LAMA1: variants seen among roughly 807,000 people sequenced by gnomAD.
LAMA1 encodes the protein laminin subunit alpha 1.
A neutral mutation model predicts 348.7 loss-of-function variants in LAMA1; 219 were observed. The observed-to-expected ratio is 0.63, with a 90% CI of 0.56 to 0.70. The LOEUF is 0.70. Among genes scored for constraint, LAMA1 ranks in the 30% least tolerant of loss-of-function variants. The pLI is 0.00. For missense variants in LAMA1, 3,744 were observed against 3,888.0 expected (o/e 0.96, Z 0.99); for synonymous variants, 1,487 against 1,491.0 (o/e 1.00, Z 0.06).
chr18:7,031,547 A>G (rs1385666009), intron 16 of LAMA1, among the ~76,000 whole-genome samples: 1 of 152,086 alleles, frequency 6.6e-6, no homozygotes, highest in Non-Finnish European at 1.5e-5. Flanking sequence ...AAAAAATACT[A>G]GCATTGTCTG....
At chr18:7,016,697 G>A (rs1325844608) in intron 20 of LAMA1, 26 bp from the exon 21 acceptor site, 1 of 1,594,202 alleles carries the variant, frequency 6.3e-7, no homozygotes, top group Non-Finnish European at 8.6e-7. Context: ...GGGAGAAAGT[G>A]GAAACCAACA....
intron 56 of LAMA1, 165 bp downstream of exon 56, chr18:6,956,471 C>T: frequency 1.7e-6 from 2 of 1,180,578 alleles, no homozygotes; most frequent in Non-Finnish European, 2.5e-6. Context: ...CTTGAGGCAC[C>T]CTTTCCCTCC....
At chr18:7,073,874 C>T (rs1460402211) in intron 3 of LAMA1, among the ~76,000 whole-genome samples, 1 of 63,960 alleles carries the variant, frequency 1.6e-5, no homozygotes, top group Non-Finnish European at 3.6e-5. Context: ...CTTGCTCTGT[C>T]GCCAGGCTGG....
At chr18:6,956,790 T>C in intron 55 of LAMA1, 25 bp from the exon 56 acceptor site, 1 of 1,613,890 alleles carries the variant, frequency 6.2e-7, no homozygotes, top group Non-Finnish European at 8.5e-7. Context: ...GAGAGTGTTT[T>C]CAAAATTAGG....
intron 16 of LAMA1, among the ~76,000 whole-genome samples, chr18:7,028,332 C>T (rs1377517586): frequency 6.6e-6 from 1 of 152,120 alleles, no homozygotes; most frequent in Non-Finnish European, 1.5e-5. Flanking sequence ...GAAATACACA[C>T]CAAGGCACAG....
chr18:7,015,210 G>T (rs1243720761), intron 22 of LAMA1, among the ~76,000 whole-genome samples: 1 of 152,110 alleles, frequency 6.6e-6, no homozygotes, highest in Non-Finnish European at 1.5e-5. Context: ...CTAGAATAAG[G>T]TGTCTTAAGG....
At position 7,019,526 on chromosome 18, in the gene LAMA1, G is replaced by T. The variant is rs184567251; in HGVS notation, c.2702-2142C>A. On this transcript the variant is annotated intron_variant, in intron 19 of 62. Coordinates refer to ENST00000389658, the MANE Select transcript of LAMA1 (RefSeq NM_005559.4). The stretch of plus-strand genomic sequence containing the variant: ...TGCCTGTCACATTCAGTATTTCTTT[G>T]TACTTTCACCACAAACCAAGGAGGG... Among the ~76,000 whole-genome samples, 41 of 152,062 alleles carry T rather than the reference G, an allele frequency of 2.7e-4. 1 individual carries two copies. The South Asian group carries it at 8.3e-3, about 31-fold the overall frequency.
chr18:7,067,851 T>G (rs2058129310), intron 3 of LAMA1, among the ~76,000 whole-genome samples: 1 of 145,760 alleles, frequency 6.9e-6, no homozygotes, highest in Admixed American at 6.6e-5. Flanking sequence ...GGTGGGTCCT[T>G]TTCGCATTTT....
chr18:7,084,896 C>A (rs888695746), intron 1 of LAMA1, among the ~76,000 whole-genome samples: 5 of 152,172 alleles, frequency 3.3e-5, no homozygotes, highest in African/African-American at 7.2e-5. Context: ...AAAACCAAAG[C>A]ATCTAAAATG....
chr18:7,085,630 G>T (rs1369740343), intron 1 of LAMA1, among the ~76,000 whole-genome samples: 2 of 151,994 alleles, frequency 1.3e-5, no homozygotes, highest in East Asian at 1.9e-4. Context: ...ACGTTAGCCA[G>T]GATGGTCTCG....
intron 3 of LAMA1, among the ~76,000 whole-genome samples, chr18:7,073,576 A>G (rs2058154638): frequency 6.6e-6 from 1 of 152,166 alleles, no homozygotes; most frequent in Admixed American, 6.5e-5. Flanking sequence ...ATGCTGTGGT[A>G]TGTGTCAAAA....
At chr18:7,003,088 G>A (rs539960542) in intron 29 of LAMA1, among the ~76,000 whole-genome samples, 2 of 151,930 alleles carry the variant, frequency 1.3e-5, no homozygotes, top group East Asian at 3.9e-4. Flanking sequence ...TTGCTATGTT[G>A]CCCAGGCTGG....
At chr18:7,108,078 C>CTCT (rs934049092) in intron 1 of LAMA1, among the ~76,000 whole-genome samples, 1 of 144,630 alleles carries the variant, frequency 6.9e-6, no homozygotes, top group Non-Finnish European at 1.5e-5. Context: ...TGGCTCACAC[C>CTCT]TCTAATCCCA....
intron 42 of LAMA1, among the ~76,000 whole-genome samples, chr18:6,979,279 C>T (rs1190259779): frequency 6.6e-6 from 1 of 152,186 alleles, no homozygotes; most frequent in African/African-American, 2.4e-5. Context: ...CCAGTTTCCC[C>T]AGGTAACTTC....
At position 6,955,416 on chromosome 18, in the gene LAMA1, T is replaced by A; in HGVS notation, c.8144A>T (p.Gln2715Leu). ...ATGGCTGTTTTGTGTGAGACCAAAC[T>A]GGTGAGCGCCGGGAACGTACTCCAG... Reference protein sequence around the residue: ...AALEYVPGAHQFGLTQNSHFI... With the variant: ...AALEYVPGAHLFGLTQNSHFI... The change falls in exon 57 of 63, where the codon CAG becomes CTG. Residue 2715 changes from glutamine to leucine, a missense_variant. By Grantham distance (113) the Gln-to-Leu change is moderately radical. Transcript: ENST00000389658. The A allele has an allele frequency of 6.2e-7, 1 of 1,614,140 alleles. No individual in the cohort carries two copies. Among genetic ancestry groups the A allele is most frequent in the Non-Finnish European group, 8.5e-7 (1 of 1,180,032 alleles).
intron 27 of LAMA1, among the ~76,000 whole-genome samples, chr18:7,008,995 A>G (rs557337091): frequency 2.0e-5 from 3 of 152,230 alleles, no homozygotes; most frequent in East Asian, 3.9e-4. Flanking sequence ...TTTGCATTTT[A>G]TCTTCAGCTA....
intron 31 of LAMA1, 46 bp downstream of exon 31, chr18:6,999,865 G>C (rs746120692): frequency 7.8e-6 from 12 of 1,543,714 alleles, no homozygotes; most frequent in Non-Finnish European, 1.1e-5. Context: ...CCTTATAAAA[G>C]AAACAGAGTG....
In LAMA1 at chr18:6,997,885, C is replaced by A; in HGVS notation, c.4664-1G>T. 1 of 1,613,976 alleles carries A rather than the reference C, an allele frequency of 6.2e-7. No homozygotes were observed. The highest frequency in any genetic ancestry group is 1.1e-5 in the South Asian group (1 of 91,078). On this transcript the variant is annotated splice_acceptor_variant, in intron 32 of 62. Transcript: ENST00000389658. LOFTEE classifies it high-confidence loss of function. Reference sequence around the variant, plus strand: ...ACACCTACACACTCATCATCACAGGCTACAAGACAAATTTTTAAAAAGGAG... The same window carrying A: ...ACACCTACACACTCATCATCACAGGATACAAGACAAATTTTTAAAAAGGAG...
intron 5 of LAMA1, among the ~76,000 whole-genome samples, chr18:7,047,730 C>A (rs1165314644): frequency 6.6e-6 from 1 of 151,714 alleles, no homozygotes; most frequent in African/African-American, 2.4e-5. Flanking sequence ...AGAAATAAAC[C>A]CACAATAATA....
Sources: allele counts gnomAD v4.1 joint callset (sites outside exome capture counted in the v4.1 genomes callset), GRCh38; gene constraint gnomAD v4.1.1; transcripts MANE v1.5; gene names NCBI Gene and HGNC (gene_info 2026-07-23, HGNC 2026-07-21).